Variants in MZT1 observed in about 807,000 individuals in gnomAD.
MZT1 encodes mitotic spindle organizing protein 1.
MZT1 carries 8 observed loss-of-function variants against 8.5 expected under a neutral mutation model. The ratio of observed to expected loss-of-function variants is 0.94; its 90% CI spans 0.55 to 1.70. MZT1 has a LOEUF of 1.70. Ranked by LOEUF, MZT1 falls within the 40% of genes most tolerant of loss-of-function variation. The probability of loss-of-function intolerance (pLI) is 0.00; values close to 1 mark genes in which losing one functional copy is unlikely to be tolerated. For synonymous variants in MZT1, 38 were observed against 42.0 expected (o/e 0.90, Z 0.37); for missense variants, 93 against 108.6 (o/e 0.86, Z 0.64).
At chr13:72,710,689 T>C (rs181878410) in intron 2 of MZT1, among the ~76,000 whole-genome samples, 1 of 152,228 alleles carries the variant, frequency 6.6e-6, no homozygotes, top group East Asian at 1.9e-4. Context: ...ATTCTAGTAA[T>C]AGGGATTAAA....
intron 1 of MZT1, among the ~76,000 whole-genome samples, chr13:72,723,402 C>T (rs2032608616): frequency 1.3e-5 from 2 of 152,302 alleles, no homozygotes; most frequent in South Asian, 4.1e-4. Context: ...ATGTGAAATG[C>T]CGCAAAATCC....
chr13:72,711,652 A>T (rs2032489674), intron 2 of MZT1, among the ~76,000 whole-genome samples: 1 of 152,044 alleles, frequency 6.6e-6, no homozygotes, highest in Non-Finnish European at 1.5e-5. Context: ...AAGATAGAAC[A>T]CAGCAGGAAC....
intron 1 of MZT1, among the ~76,000 whole-genome samples, chr13:72,722,325 A>C (rs1372708520): frequency 1.3e-5 from 2 of 152,194 alleles, no homozygotes; most frequent in Non-Finnish European, 2.9e-5. Flanking sequence ...TAAAGGATAC[A>C]CTTAGAATGG....
intron 2 of MZT1, among the ~76,000 whole-genome samples, chr13:72,710,926 A>T (rs1339369977): frequency 6.6e-6 from 1 of 152,200 alleles, no homozygotes; most frequent in Non-Finnish European, 1.5e-5. Context: ...ATTTCTTAAC[A>T]TCAATATAAA....
intron 2 of MZT1, among the ~76,000 whole-genome samples, chr13:72,710,744 A>C (rs953741427): frequency 6.6e-6 from 1 of 152,152 alleles, no homozygotes; most frequent in Admixed American, 6.5e-5. Context: ...GAACAAGAGC[A>C]AAAGATGAAT....
At chr13:72,712,452 C>T (rs1222982430) in intron 2 of MZT1, among the ~76,000 whole-genome samples, 1 of 152,218 alleles carries the variant, frequency 6.6e-6, no homozygotes, top group Non-Finnish European at 1.5e-5. Context: ...GCACGCCTAG[C>T]TGAAACACCC....
At chr13:72,719,741 T>C (rs2032575327) in intron 1 of MZT1, among the ~76,000 whole-genome samples, 1 of 152,212 alleles carries the variant, frequency 6.6e-6, no homozygotes, top group African/African-American at 2.4e-5. Flanking sequence ...ATAATAAAAA[T>C]GAAACCTTAT....
At chr13:72,712,444 A>C (rs1033825358) in intron 2 of MZT1, among the ~76,000 whole-genome samples, 1 of 152,208 alleles carries the variant, frequency 6.6e-6, no homozygotes, top group African/African-American at 2.4e-5. Context: ...GTGAGCCAGC[A>C]CGCCTAGCTG....
At chr13:72,716,428 G>C (rs1051108209) in intron 2 of MZT1, among the ~76,000 whole-genome samples, 4 of 152,052 alleles carry the variant, frequency 2.6e-5, no homozygotes, top group East Asian at 1.9e-4. Flanking sequence ...TTTTTAGTTA[G>C]ATTTAATAAT....
chr13:72,714,060 C>T (rs1406070263), intron 2 of MZT1, among the ~76,000 whole-genome samples: 1 of 151,978 alleles, frequency 6.6e-6, no homozygotes, highest in Non-Finnish European at 1.5e-5. Flanking sequence ...GGGTAAAAGG[C>T]CTAGACAGCA....
chr13:72,714,888 T>C (rs1489155949), intron 2 of MZT1, among the ~76,000 whole-genome samples: 1 of 152,166 alleles, frequency 6.6e-6, no homozygotes, highest in Non-Finnish European at 1.5e-5. Context: ...TCATGGAGAA[T>C]CTCTACTAGA....
At chr13:72,724,096 A>G (rs1017610608) in intron 1 of MZT1, among the ~76,000 whole-genome samples, 3 of 152,216 alleles carry the variant, frequency 2.0e-5, no homozygotes, top group Non-Finnish European at 4.4e-5. Context: ...CTGAACTGCT[A>G]TTGTGAAGGC....
intron 1 of MZT1, among the ~76,000 whole-genome samples, chr13:72,724,739 T>TATATATATACACAC (rs1555270942): frequency 4.8e-5 from 2 of 41,368 alleles, no homozygotes; most frequent in African/African-American, 1.1e-4. Flanking sequence ...TATATATATA[T>TATATATATACACAC]ACACATATAT....
At chr13:72,725,953 G>C (rs983538225) in intron 1 of MZT1, among the ~76,000 whole-genome samples, 1 of 152,024 alleles carries the variant, frequency 6.6e-6, no homozygotes, top group African/African-American at 2.4e-5. Flanking sequence ...AAACTATTAA[G>C]TGTTGATACA....
At chr13:72,710,411 T>C in intron 2 of MZT1, 66 bp from the exon 3 acceptor site, 2 of 1,434,734 alleles carry the variant, frequency 1.4e-6, no homozygotes, top group South Asian at 2.3e-5. Flanking sequence ...GAAGATAAAT[T>C]TGTCAATACT....
Position 72,727,550 on chromosome 13 carries a change from A to C in MZT1, c.53T>G (p.Leu18Arg). Residue 18 changes from leucine to arginine, a missense_variant, in exon 1 of 3, where the codon CTG becomes CGG. Leu to Arg is a moderately radical substitution (Grantham distance 102). Transcript: ENST00000377818. ...GTCCATGGTCTCCCGCACCGCATTC[A>C]GATTCGCCGCCGCGGCCGCCGCCGC... ...GAAAAAAAAN[L>R]NAVRETMDVL... The C allele has an allele frequency of 6.2e-7, 1 of 1,611,694 alleles. No individual in the cohort carries two copies. Among genetic ancestry groups the C allele is most frequent in the Non-Finnish European group, 8.5e-7 (1 of 1,179,154 alleles).
intron 2 of MZT1, among the ~76,000 whole-genome samples, chr13:72,716,609 T>TC (rs1380288242): frequency 1.3e-5 from 2 of 152,086 alleles, no homozygotes; most frequent in East Asian, 3.9e-4. Context: ...TGTTTGTTTT[T>TC]CCCCCCATTG....
Position 72,710,257 on chromosome 13 carries a change from C to T in MZT1, c.*65G>A. On this transcript the variant is annotated 3_prime_UTR_variant, in exon 3 of 3. Transcript: ENST00000377818. The stretch of plus-strand genomic sequence containing the variant: ...CAGTAATTTCATTGTACATTCTCAA[C>T]TACAATGCAATCTTCAAACCCTCTT... 1 of 1,532,466 alleles carries T rather than the reference C, an allele frequency of 6.5e-7. No homozygotes were observed. Among genetic ancestry groups the T allele is most frequent in the African/African-American group, 1.4e-5 (1 of 73,168 alleles). 94.9% of individuals were successfully genotyped at this position (1,532,466 alleles called of 1,614,324 possible).
chr13:72,718,317 T>C (rs1264362217), intron 2 of MZT1, among the ~76,000 whole-genome samples: 1 of 152,240 alleles, frequency 6.6e-6, no homozygotes, highest in African/African-American at 2.4e-5. Context: ...TGATTATATC[T>C]GCAAAGGCAT....
Sources: gnomAD v4.1 joint callset for allele counts (sites outside exome capture counted in the v4.1 genomes callset) on GRCh38, gnomAD v4.1.1 for gene constraint, MANE v1.5 for transcripts, NCBI Gene and HGNC (gene_info 2026-07-23, HGNC 2026-07-21) for gene names.